The following CGA variants were observed in gnomAD, a reference collection of about 807,000 sequenced individuals.
CGA encodes the protein glycoprotein hormones alpha chain.
A neutral mutation model predicts 12.0 loss-of-function variants in CGA; 4 were observed. The observed-to-expected ratio is 0.33, with a 90% CI of 0.16 to 0.76. The LOEUF (loss-of-function observed/expected upper bound fraction) is 0.76. CGA is among the 30% of genes least tolerant of loss of function. The pLI, the probability that CGA is intolerant of heterozygous loss-of-function variation, is 0.60. For missense variants in CGA, 102 were observed against 143.5 expected (o/e 0.71, Z 1.48); for synonymous variants, 60 against 56.6 (o/e 1.06, Z -0.27).
intron 1 of CGA, among the ~76,000 whole-genome samples, chr6:87,091,238 T>C (rs1479975213): frequency 1.3e-5 from 2 of 150,932 alleles, no homozygotes; most frequent in African/African-American, 2.4e-5. Flanking sequence ...GAAAAGAAGA[T>C]TGAAAAAGTG....
intron 1 of CGA, among the ~76,000 whole-genome samples, chr6:87,092,084 A>AT (rs36041112): frequency 0.046 from 6,922 of 149,666 alleles, 273 homozygotes; most frequent in African/African-American, 0.11. Context: ...CTTTAAAAGG[A>AT]TTTTTTTTTT....
chr6:87,085,731 A>G lies in CGA; in HGVS notation c.*25T>C. On this transcript the variant is annotated 3_prime_UTR_variant, in exon 4 of 4. Transcript: ENST00000627148. Reference sequence around the variant, plus strand: ...TTTCCATTCCAGAAAATCAGCAGTCATCAAGACAGCACTTGGTAAAACATT... The same window carrying G: ...TTTCCATTCCAGAAAATCAGCAGTCGTCAAGACAGCACTTGGTAAAACATT... 1 of 1,536,864 alleles carries G rather than the reference A, an allele frequency of 6.5e-7. No homozygotes were observed. The highest frequency in any genetic ancestry group is 2.3e-5 in the East Asian group (1 of 44,400).
intron 2 of CGA, chr6:87,086,699 T>C (rs1306117797): frequency 5.7e-6 from 2 of 349,138 alleles, no homozygotes; most frequent in South Asian, 1.2e-4. Flanking sequence ...GGCAGAAGAA[T>C]CGCTTGAAGC....
intron 1 of CGA, among the ~76,000 whole-genome samples, chr6:87,091,195 A>G (rs903497144): frequency 3.3e-5 from 5 of 152,232 alleles, no homozygotes; most frequent in Non-Finnish European, 7.3e-5. Flanking sequence ...CATGAAGTCA[A>G]TGCGCATTTT....
chr6:87,088,204 G>T lies in CGA; in HGVS notation c.-4C>A. ...CATATTTTCTGTAGTAATCCATGGC[G>T]CTCCTGCAGACAGACATGGCAAAAA... On this transcript the variant is annotated 5_prime_UTR_variant, in exon 2 of 4. Transcript: ENST00000627148. 3 of 1,511,204 alleles carry T rather than the reference G, an allele frequency of 2.0e-6. No homozygotes were observed. The highest frequency in any genetic ancestry group is 1.8e-6 in the Non-Finnish European group (2 of 1,126,190). The allele number at this position is 1,511,204 out of a possible 1,614,324, so 93.6% of individuals were successfully genotyped here.
chr6:87,091,174 G>A (rs1769426536), intron 1 of CGA, among the ~76,000 whole-genome samples: 1 of 152,186 alleles, frequency 6.6e-6, no homozygotes, highest in African/African-American at 2.4e-5. Context: ...TAAGATTTGA[G>A]AATGTGAAAG....
In CGA at chr6:87,086,327, T is replaced by G. The variant is rs1769323062; in HGVS notation, c.196A>C (p.Arg66=). The part of the protein sequence containing the change: ...CFSRAYPTPL[R]SKKTMLVQKN... ...TGGACCAACATCGTCTTCTTGGACC[T>G]TAGTGGAGTGGGATATGCTCTAGAG... Residue 66 remains arginine, a synonymous_variant, in exon 3 of 4, where the codon AGG becomes CGG. Transcript: ENST00000627148. 6.2e-7 allele frequency: 1 copy of G among 1,613,958 alleles called. No homozygotes were observed. Among genetic ancestry groups the G allele is most frequent in the East Asian group, 2.2e-5 (1 of 44,904 alleles).
At chr6:87,086,138 C>T (rs1205543991) in intron 3 of CGA, 112 bp downstream of exon 3, 8 of 951,444 alleles carry the variant, frequency 8.4e-6, no homozygotes, top group South Asian at 4.7e-5. Flanking sequence ...TACAAATGCT[C>T]GACAGAGGCT....
rs1355103273 is a variant in CGA at position 87,085,690 on chromosome 6, C to G, written c.*66G>C. On this transcript the variant is annotated 3_prime_UTR_variant, in exon 4 of 4. Coordinates refer to ENST00000627148, the MANE Select transcript of CGA (RefSeq NM_000735.4). The stretch of plus-strand genomic sequence containing the variant: ...GAGTTTTATCTCACAAAGCCATAAA[C>G]ACTAAACAACTTAATTTTCCATTCC... The G allele has an allele frequency of 9.0e-7, 1 of 1,115,920 alleles. No homozygotes were observed. Among genetic ancestry groups the G allele is most frequent in the East Asian group, 2.4e-5 (1 of 40,932 alleles). 69.1% of individuals were successfully genotyped at this position (1,115,920 alleles called of 1,614,324 possible). A position where few individuals can be genotyped will look rare whatever the true frequency, so the allele number is the denominator to read the frequency against.
chr6:87,094,413 T>C (rs897488847), intron 1 of CGA, among the ~76,000 whole-genome samples: 8 of 152,240 alleles, frequency 5.3e-5, no homozygotes, highest in African/African-American at 1.9e-4. Context: ...AAGTGACTTA[T>C]CATTGCAAAT....
At chr6:87,086,096 T>C (rs1769316890) in intron 3 of CGA, 154 bp downstream of exon 3, 5 of 713,086 alleles carry the variant, frequency 7.0e-6, no homozygotes, top group Non-Finnish European at 1.2e-5. Context: ...TTGACTCTTT[T>C]AATTAATGGG....
Position 87,092,925 on chromosome 6 carries a change from G to T in CGA, c.-8+2088C>A, listed in dbSNP as rs1423498080. Among the ~76,000 whole-genome samples, 5 of 151,624 alleles carry T rather than the reference G, an allele frequency of 3.3e-5. No homozygotes were observed. The East Asian group carries it at 9.7e-4, about 29-fold the overall frequency. Reference sequence around the variant, plus strand: ...AGCAAGCCCGGCTAATTTGGGAGTGGTTTTTTGTGTTTGTTTTTTTGTTTT... The same window carrying T: ...AGCAAGCCCGGCTAATTTGGGAGTGTTTTTTTGTGTTTGTTTTTTTGTTTT... On this transcript the variant is annotated intron_variant, in intron 1 of 3. Transcript: ENST00000627148.
At chr6:87,090,225 G>T (rs1769406389) in intron 1 of CGA, among the ~76,000 whole-genome samples, 2 of 152,068 alleles carry the variant, frequency 1.3e-5, no homozygotes, top group South Asian at 4.1e-4. Flanking sequence ...GTGTGATCTG[G>T]GAACCCCAAA....
intron 1 of CGA, among the ~76,000 whole-genome samples, chr6:87,092,313 T>C (rs1769446957): frequency 6.6e-6 from 1 of 152,180 alleles, no homozygotes; most frequent in South Asian, 2.1e-4. Flanking sequence ...CATAGGCCCT[T>C]GACTGCTTAG....
At position 87,088,235 on chromosome 6, in the gene CGA, A is replaced by C. The variant is rs746559848; in HGVS notation, c.-7-28T>G. On this transcript the variant is annotated intron_variant, in intron 1 of 3. Coordinates refer to ENST00000627148, the MANE Select transcript of CGA (RefSeq NM_000735.4). ...GCAGACAGACATGGCAAAAAAAAAA[A>C]AACAAAAAACAGTTAATCTAAAATT... 3.0e-5 allele frequency: 29 copies of C among 978,806 alleles called. 2 individuals are homozygous for C. Among genetic ancestry groups the C allele is most frequent in the African/African-American group, 5.9e-5 (3 of 50,710 alleles). The allele number at this position is 978,806 out of a possible 1,614,324, so 60.6% of individuals were successfully genotyped here.
intron 2 of CGA, 108 bp from the exon 3 acceptor site, chr6:87,086,542 C>CGAGGCAGG: frequency 1.9e-6 from 2 of 1,045,126 alleles, no homozygotes; most frequent in Non-Finnish European, 2.8e-6. Context: ...TTTGGGAGGC[C>CGAGGCAGG]TTAGTGGGTG....
intron 1 of CGA, among the ~76,000 whole-genome samples, chr6:87,094,019 A>G (rs1294809301): frequency 4.6e-5 from 7 of 152,342 alleles, no homozygotes; most frequent in African/African-American, 1.7e-4. Context: ...AATTTGGTTG[A>G]CCAATATTAT....
At chr6:87,092,298 A>G (rs1402048957) in intron 1 of CGA, among the ~76,000 whole-genome samples, 10 of 152,172 alleles carry the variant, frequency 6.6e-5, no homozygotes, top group Admixed American at 6.5e-4. Context: ...ACCCCATTTC[A>G]TCTACATAGG....
At chr6:87,093,033 C>A (rs1769470196) in intron 1 of CGA, among the ~76,000 whole-genome samples, 1 of 152,128 alleles carries the variant, frequency 6.6e-6, no homozygotes, top group Non-Finnish European at 1.5e-5. Flanking sequence ...CCCGGCTCTG[C>A]CTCCCAAAGT....
Sources: allele counts gnomAD v4.1 joint callset (sites outside exome capture counted in the v4.1 genomes callset), GRCh38; gene constraint gnomAD v4.1.1; transcripts MANE v1.5; gene names NCBI Gene and HGNC (gene_info 2026-07-23, HGNC 2026-07-21).